CASP8: variants seen among roughly 807,000 people sequenced by gnomAD.
The protein encoded by CASP8 is caspase-8.
In CASP8, 24 loss-of-function variants were observed where a neutral mutation model predicts 46.3. The observed-to-expected ratio is 0.52, with a 90% CI of 0.38 to 0.73. The LOEUF is 0.73. CASP8 is among the 30% of genes least tolerant of loss of function. The pLI is 0.00. For missense variants in CASP8, 460 were observed against 559.0 expected, an observed-to-expected ratio of 0.82 and a Z score of 1.79; for synonymous variants, 188 against 200.4, an observed-to-expected ratio of 0.94 and a Z score of 0.52.
Position 201,266,746 on chromosome 2 carries a change from A to G in CASP8, c.260A>G (p.Glu87Gly), listed in dbSNP as rs763043263. The G allele has an allele frequency of 2.5e-6, 4 of 1,613,802 alleles. No homozygotes were observed. Among genetic ancestry groups the G allele is most frequent in the Non-Finnish European group, 3.4e-6 (4 of 1,179,726 alleles). The change falls in exon 2 of 9, where the codon GAA becomes GGA. Residue 87 changes from glutamate to glycine, a missense_variant. Physicochemically the swap from Glu to Gly is moderately conservative, Grantham distance 98. Coordinates refer to ENST00000673742, the MANE Select transcript of CASP8 (RefSeq NM_001372051.1). The surrounding 1 kb of genome is among the most constrained non-coding windows in gnomAD (Gnocchi z 5.7). ...TYLNTRKEEM[E>G]RELQTPGRAQ... Reference sequence around the variant, plus strand: ...CTAAACACTAGAAAGGAGGAGATGGAAAGGGAACTTCAGACACCAGGCAGG... The same window carrying G: ...CTAAACACTAGAAAGGAGGAGATGGGAAGGGAACTTCAGACACCAGGCAGG...
At chr2:201,281,810 C>G (rs1446771073) in intron 7 of CASP8, 6 of 1,397,202 alleles carry the variant, frequency 4.3e-6, no homozygotes, top group Non-Finnish European at 5.7e-6. Flanking sequence ...CAATAACACT[C>G]TCTCCTTTCT....
At chr2:201,246,824 G>GT (rs1201302293) in intron 2 of CASP8, among the ~76,000 whole-genome samples, 1 of 152,156 alleles carries the variant, frequency 6.6e-6, no homozygotes, top group Non-Finnish European at 1.5e-5. Flanking sequence ...GACTTTCATT[G>GT]TTTTTTGGAA....
Position 201,255,193 on chromosome 2 carries a change from C to T in CASP8, c.-26-11268C>T, listed in dbSNP as rs542800764. 3.9e-5 allele frequency among the ~76,000 whole-genome samples: 6 copies of T among 152,250 alleles called. No homozygotes were observed. The East Asian group carries it at 5.8e-4, about 15-fold the overall frequency. On this transcript the variant is annotated intron_variant, in intron 2 of 6. Coordinates refer to the CASP8 transcript ENST00000264274. ...CCGCCTCCTGGGCTCAAGTGAGTCTCGTGCCTTGAGTGGCTGAGACTACAG... is the reference window on the plus strand; with the variant it reads ...CCGCCTCCTGGGCTCAAGTGAGTCTTGTGCCTTGAGTGGCTGAGACTACAG...
At chr2:201,276,775 T>G in intron 6 of CASP8, 52 bp from the exon 7 acceptor site, 1 of 1,612,612 alleles carries the variant, frequency 6.2e-7, no homozygotes, top group Admixed American at 1.7e-5. Context: ...TGTTTACATC[T>G]CTAGTGTTTG....
At chr2:201,236,331 A>G (rs1946045659) in intron 2 of CASP8, among the ~76,000 whole-genome samples, 2 of 151,630 alleles carry the variant, frequency 1.3e-5, no homozygotes. Context: ...TTCTTTTTTG[A>G]CCCATGGATT....
At chr2:201,234,489 G>T (rs1399506004) in intron 2 of CASP8, among the ~76,000 whole-genome samples, 1 of 151,672 alleles carries the variant, frequency 6.6e-6, no homozygotes, top group Non-Finnish European at 1.5e-5. Flanking sequence ...TTGCTCTGTC[G>T]CCTAGCCTGG....
intron 2 of CASP8, among the ~76,000 whole-genome samples, chr2:201,268,137 C>T (rs777514265): frequency 1.3e-5 from 2 of 151,836 alleles, no homozygotes; most frequent in Non-Finnish European, 2.9e-5. Context: ...GTTGGCCAGG[C>T]TGGTCTCGAA....
At chr2:201,284,273 G>A (rs1949388802) in intron 7 of CASP8, among the ~76,000 whole-genome samples, 1 of 52,284 alleles carries the variant, frequency 1.9e-5, no homozygotes, top group Admixed American at 1.6e-4. Flanking sequence ...TTCCCAGACG[G>A]CGTGGCGGCC....
At chr2:201,264,788 C>T (rs1021540219) in intron 1 of CASP8, among the ~76,000 whole-genome samples, 3 of 152,006 alleles carry the variant, frequency 2.0e-5, no homozygotes, top group Non-Finnish European at 2.9e-5. Context: ...GCCAAGATTG[C>T]GCCCTGCACT....
At chr2:201,245,772 A>G (rs149792374) in intron 2 of CASP8, among the ~76,000 whole-genome samples, 1 of 151,544 alleles carries the variant, frequency 6.6e-6, no homozygotes, top group Non-Finnish European at 1.5e-5. Context: ...ATGGGCATGT[A>G]TCTCCCTGCT....
chr2:201,268,229 C>T (rs745626699), intron 2 of CASP8, among the ~76,000 whole-genome samples: 3 of 152,212 alleles, frequency 2.0e-5, no homozygotes, highest in Admixed American at 6.5e-5. Context: ...CCAGCCAAGG[C>T]TTGACCATTT....
chr2:201,265,767 C>T (rs1422277554), intron 1 of CASP8, among the ~76,000 whole-genome samples: 3 of 152,090 alleles, frequency 2.0e-5, no homozygotes, highest in African/African-American at 7.2e-5. Context: ...CTTTATTGAG[C>T]TCCTTGTGCC....
At chr2:201,239,174 C>T (rs181327297) in intron 2 of CASP8, among the ~76,000 whole-genome samples, 60 of 152,376 alleles carry the variant, frequency 3.9e-4, no homozygotes, top group Admixed American at 3.3e-3. Flanking sequence ...CCTCTCTCTA[C>T]ACAGACACGG....
In CASP8 at chr2:201,274,303, C is replaced by A. The variant is rs1948483607; in HGVS notation, c.596-586C>A. ...GTATCTCACAAATACCACAAAAATT[C>A]AACCTGGCCATGTGGAGCAATATAA... On this transcript the variant is annotated intron_variant, in intron 5 of 8. Coordinates refer to ENST00000673742, the MANE Select transcript of CASP8 (RefSeq NM_001372051.1). 2.0e-5 allele frequency among the ~76,000 whole-genome samples: 3 copies of A among 152,148 alleles called. 1 individual carries two copies. The South Asian group carries it at 6.2e-4, about 31-fold the overall frequency.
chr2:201,245,330 T>C (rs570795246), intron 2 of CASP8, among the ~76,000 whole-genome samples: 1 of 152,128 alleles, frequency 6.6e-6, no homozygotes, highest in East Asian at 1.9e-4. Context: ...TACTTCCATC[T>C]CCCAGGTTCA....
intron 7 of CASP8, chr2:201,281,981 C>G (rs1949068194): frequency 5.2e-6 from 1 of 190,970 alleles, no homozygotes; most frequent in East Asian, 4.8e-4. Flanking sequence ...GTGTTTCTCG[C>G]AGAGGGGGAT....
chr2:201,283,215 G>C (rs1226699744), intron 7 of CASP8, among the ~76,000 whole-genome samples: 1 of 80,900 alleles, frequency 1.2e-5, no homozygotes, highest in East Asian at 3.8e-4. Flanking sequence ...CTGGCCAGGC[G>C]GGGGGCTGAC....
Position 201,281,990 on chromosome 2 carries a change from AT to A in CASP8, c.803-2823del, listed in dbSNP as rs1435518096. On this transcript the variant is annotated intron_variant, in intron 7 of 8. Transcript: ENST00000673742. The stretch of plus-strand genomic sequence containing the variant: ...TCTTGGGTGTTTCTCGCAGAGGGGG[AT>A]TTGGCAGGGTCACAGGACAATAGTG... 10 of 169,532 alleles carry A rather than the reference AT, an allele frequency of 5.9e-5. 1 individual carries two copies. The highest frequency in any genetic ancestry group is 5.4e-4 in the South Asian group (5 of 9,264). The allele number at this position is 169,532 out of a possible 1,614,324, so 10.5% of individuals were successfully genotyped here. A position where few individuals can be genotyped will look rare whatever the true frequency, so the allele number is the denominator to read the frequency against.
At chr2:201,255,928 T>A (rs999321993), upstream of CASP8, among the ~76,000 whole-genome samples, 5 of 152,142 alleles carry the variant, frequency 3.3e-5, no homozygotes, top group Non-Finnish European at 5.9e-5. Flanking sequence ...ACTAATTTTT[T>A]AAAATTTTCT....
Sources: gnomAD v4.1 joint callset for allele counts (sites outside exome capture counted in the v4.1 genomes callset) on GRCh38, gnomAD v4.1.1 for gene constraint, Gnocchi (gnomAD v3.1) non-coding constraint, MANE v1.5 for transcripts, NCBI Gene and HGNC (gene_info 2026-07-23, HGNC 2026-07-21) for gene names.